PAXBP1: variants seen among roughly 807,000 people sequenced by gnomAD.
PAXBP1 encodes PAX3 and PAX7 binding protein 1.
A neutral mutation model predicts 119.9 loss-of-function variants in PAXBP1; 44 were observed. That is an observed-to-expected ratio of 0.37 (90% CI 0.29 to 0.47). PAXBP1 has a LOEUF of 0.47. PAXBP1 is among the 20% of genes least tolerant of loss of function. The probability of loss-of-function intolerance (pLI) is 0.99; values close to 1 mark genes in which losing one functional copy is unlikely to be tolerated. For synonymous variants in PAXBP1, 393 were observed against 406.6 expected, an observed-to-expected ratio of 0.97 and a Z score of 0.40; for missense variants, 898 against 1,134.1, an observed-to-expected ratio of 0.79 and a Z score of 2.99.
In PAXBP1 at chr21:32,769,906, T is replaced by C; in HGVS notation, c.380A>G (p.Tyr127Cys). 1 of 1,574,864 alleles carries C rather than the reference T, an allele frequency of 6.3e-7. No individual in the cohort carries two copies. Among genetic ancestry groups the C allele is most frequent in the Non-Finnish European group, 8.6e-7 (1 of 1,156,732 alleles). The part of the protein sequence containing the change: ...EEVFKVKKSS[Y>C]SKKIVKLLKK... The stretch of plus-strand genomic sequence containing the variant: ...GAGCAATTTTACTATCTTTTTGCTA[T>C]AACTTGATTTCTTCACTTTGAAAAC... The change falls in exon 2 of 18, where the codon TAT becomes TGT. Residue 127 changes from tyrosine (Y) to cysteine (C), a missense_variant. Coordinates refer to ENST00000331923, the MANE Select transcript of PAXBP1 (RefSeq NM_016631.4).
At chr21:32,770,982 C>A (rs1017275614) in intron 1 of PAXBP1, among the ~76,000 whole-genome samples, 3 of 152,194 alleles carry the variant, frequency 2.0e-5, no homozygotes, top group Admixed American at 1.3e-4. Flanking sequence ...GGAAAGCATG[C>A]CAAGAGCAGC....
Position 32,762,211 on chromosome 21 carries a change from G to C in PAXBP1, c.756C>G (p.Arg252=). The C allele has an allele frequency of 4.3e-6, 7 of 1,613,992 alleles. No homozygotes were observed. Among genetic ancestry groups the C allele is most frequent in the Non-Finnish European group, 5.9e-6 (7 of 1,180,008 alleles). ...TPHDNEPGKG[R]LVREDENDAS... ...CATCATTCTCATCTTCTCTAACAAG[G>C]CGGCCTTTACCAGGCTCATTATCAT... The change falls in exon 4 of 18, where the codon CGC becomes CGG. Residue 252 remains arginine (R), a synonymous_variant. Transcript: ENST00000331923.
chr21:32,771,213 G>A (rs929564984), intron 1 of PAXBP1, 113 bp downstream of exon 1: 3 of 1,022,928 alleles, frequency 2.9e-6, no homozygotes, highest in South Asian at 1.9e-5. Flanking sequence ...TCGGACGGCA[G>A]GGGACTCCGT....
chr21:32,741,938 G>A (rs762960021), intron 15 of PAXBP1, among the ~76,000 whole-genome samples: 53 of 152,170 alleles, frequency 3.5e-4, no homozygotes, highest in Non-Finnish European at 5.9e-4. Context: ...GGGACTAAAT[G>A]AAAACCAAAA....
chr21:32,754,280 G>C (rs892095470), intron 8 of PAXBP1, among the ~76,000 whole-genome samples: 15 of 152,182 alleles, frequency 9.9e-5, no homozygotes, highest in South Asian at 2.1e-4. Flanking sequence ...TGTTTAACAT[G>C]CAAATTTCTG....
chr21:32,760,805 T>C (rs538315350), intron 5 of PAXBP1, among the ~76,000 whole-genome samples: 127 of 152,090 alleles, frequency 8.4e-4, no homozygotes, highest in Middle Eastern at 3.4e-3. Flanking sequence ...GAAAAACTCA[T>C]CTAAGAAATT....
intron 3 of PAXBP1, among the ~76,000 whole-genome samples, chr21:32,763,901 C>T (rs759344236): frequency 6.6e-6 from 1 of 151,288 alleles, no homozygotes; most frequent in Non-Finnish European, 1.5e-5. Context: ...GCAGGAGAAT[C>T]GCTTGAACCT....
chr21:32,738,555 GCACAGATA>G (rs1459731949), intron 15 of PAXBP1, among the ~76,000 whole-genome samples: 9 of 152,142 alleles, frequency 5.9e-5, no homozygotes, highest in Non-Finnish European at 1.2e-4. Context: ...GCACTGGTCA[GCACAGATA>G]CAGAACATTT....
intron 5 of PAXBP1, 29 bp downstream of exon 5, chr21:32,761,030 T>A: frequency 6.4e-7 from 1 of 1,556,842 alleles, no homozygotes; most frequent in Non-Finnish European, 8.7e-7. Flanking sequence ...AATCTACTTT[T>A]AATTTTTAGT....
intron 13 of PAXBP1, among the ~76,000 whole-genome samples, chr21:32,744,590 T>A (rs2043843799): frequency 6.6e-6 from 1 of 151,856 alleles, no homozygotes; most frequent in South Asian, 2.1e-4. Context: ...CTAACATCTC[T>A]CTGCGGGACT....
intron 15 of PAXBP1, chr21:32,741,563 G>A (rs371400605): frequency 1.3e-4 from 102 of 774,908 alleles, no homozygotes; most frequent in Admixed American, 4.1e-4. Context: ...GCCTCTCTGA[G>A]CAGCATTCTT....
chr21:32,759,012 T>C, intron 7 of PAXBP1, 68 bp downstream of exon 7: 2 of 1,453,244 alleles, frequency 1.4e-6, no homozygotes, highest in East Asian at 2.3e-5. Context: ...TAGAATGTTC[T>C]ACACAAGGCC....
chr21:32,739,239 A>C (rs1198914439), intron 15 of PAXBP1, among the ~76,000 whole-genome samples: 1 of 152,232 alleles, frequency 6.6e-6, no homozygotes, highest in Non-Finnish European at 1.5e-5. Flanking sequence ...TGGAGGCCTT[A>C]GGGCATTAGG....
At chr21:32,742,862 GGTAT>G (rs1390272302) in intron 15 of PAXBP1, 1 of 338,514 alleles carries the variant, frequency 3.0e-6, no homozygotes, top group Non-Finnish European at 5.9e-6. Flanking sequence ...CTTTATCATA[GGTAT>G]GTATGTAGAG....
chr21:32,737,818 G>C (rs1021797287), intron 16 of PAXBP1, among the ~76,000 whole-genome samples: 4 of 152,146 alleles, frequency 2.6e-5, no homozygotes, highest in Non-Finnish European at 4.4e-5. Context: ...TCCACGAATA[G>C]ACATCCATGC....
At position 32,741,525 on chromosome 21, in the gene PAXBP1, C is replaced by T. The variant is rs150663954; in HGVS notation, c.2334+1723G>A. 4.6e-5 allele frequency: 36 copies of T among 778,354 alleles called. No individual in the cohort carries two copies. The African/African-American group carries it at 5.9e-4, about 13-fold the overall frequency. The allele number at this position is 778,354 out of a possible 1,614,324, so 48.2% of individuals were successfully genotyped here. Reference sequence around the variant, plus strand: ...ATCTACTGCTCAAGAGAAGACAACACAAGGCCTGTCCGTCCAGATTCTTCT... The same window carrying T: ...ATCTACTGCTCAAGAGAAGACAACATAAGGCCTGTCCGTCCAGATTCTTCT... On this transcript the variant is annotated intron_variant, in intron 15 of 17. Coordinates refer to ENST00000331923, the MANE Select transcript of PAXBP1 (RefSeq NM_016631.4).
At chr21:32,763,222 C>A (rs2044180154) in intron 3 of PAXBP1, among the ~76,000 whole-genome samples, 1 of 152,096 alleles carries the variant, frequency 6.6e-6, no homozygotes, top group Non-Finnish European at 1.5e-5. Context: ...AAAATTAATG[C>A]CTCCCTACTT....
chr21:32,771,460 C>T lies in PAXBP1; in HGVS notation c.209G>A (p.Gly70Asp), dbSNP rs2146536151. 2.1e-6 allele frequency: 3 copies of T among 1,397,732 alleles called. No individual in the cohort carries two copies. Among genetic ancestry groups the T allele is most frequent in the East Asian group, 3.0e-5 (1 of 33,666 alleles). 86.6% of individuals were successfully genotyped at this position (1,397,732 alleles called of 1,614,324 possible). ...GPSPPSALTP[G>D]LGAEAGGGFP... ...GCCGCCCCCGGCCTCAGCCCCGAGG[C>T]CCGGGGTCAGCGCGGAAGGCGGCGA... The change falls in exon 1 of 18, where the codon GGC (glycine) becomes GAC (aspartate). Residue 70 changes from glycine to aspartate, a missense_variant. Physicochemically the swap from Gly to Asp is moderately conservative, Grantham distance 94 (BLOSUM62 -1). Around this residue, in one of 2 missense-constraint regions of PAXBP1, gnomAD observed 299 missense variants for 281.4 expected, o/e 1.06. Coordinates refer to ENST00000331923, the MANE Select transcript of PAXBP1 (RefSeq NM_016631.4).
chr21:32,753,425 C>CAAAA (rs757858309), intron 8 of PAXBP1, among the ~76,000 whole-genome samples: 13 of 90,914 alleles, frequency 1.4e-4, no homozygotes, highest in South Asian at 3.8e-4. Context: ...GACTCCGTCT[C>CAAAA]AAAAAAAAAA....
Sources: gnomAD v4.1 joint callset for allele counts (sites outside exome capture counted in the v4.1 genomes callset) on GRCh38, gnomAD v4.1.1 for gene constraint, gnomAD v4.1.1 regional missense constraint, MANE v1.5 for transcripts, NCBI Gene and HGNC (gene_info 2026-07-23, HGNC 2026-07-21) for gene names.